NTRK3: variants seen among roughly 807,000 people sequenced by gnomAD.
The protein encoded by NTRK3 is NT-3 growth factor receptor.
Under a neutral mutation model 91.7 loss-of-function variants are expected in NTRK3, and 24 were observed. That is an observed-to-expected ratio of 0.26 (90% CI 0.19 to 0.37). The LOEUF is 0.37. Among genes scored for constraint, NTRK3 ranks in the 10% least tolerant of loss-of-function variants. The probability of loss-of-function intolerance (pLI) is 1.00; values close to 1 mark genes in which losing one functional copy is unlikely to be tolerated. For synonymous variants in NTRK3, 483 were observed against 404.0 expected (o/e 1.20, Z -2.34); for missense variants, 880 against 1,068.9 (o/e 0.82, Z 2.46).
At chr15:88,199,468 TCTC>T (rs1419648630) in intron 3 of NTRK3, among the ~76,000 whole-genome samples, 1 of 152,182 alleles carries the variant, frequency 6.6e-6, no homozygotes, top group Non-Finnish European at 1.5e-5. Flanking sequence ...CAGCAGGAGT[TCTC>T]CTTCCCAGAG....
rs2067447451 is a variant in NTRK3 at position 87,916,392 on chromosome 15, TAG to T, written c.2133+12797_2133+12798del. 7 of 622,124 alleles carry T rather than the reference TAG, an allele frequency of 1.1e-5. No homozygotes were observed. In the East Asian group the frequency reaches 1.9e-4, roughly 17 times the overall value. The allele number at this position is 622,124 out of a possible 1,614,324, so 38.5% of individuals were successfully genotyped here. A position where few individuals can be genotyped will look rare whatever the true frequency, so the allele number is the denominator to read the frequency against. ...CATCCGTAAGGGCCCTCCACAGGAGTAGAGAGACGTGAATGACTCAACACCAG... is the reference window on the plus strand; with the variant it reads ...CATCCGTAAGGGCCCTCCACAGGAGTAGAGACGTGAATGACTCAACACCAG... On this transcript the variant is annotated intron_variant, in intron 17 of 18. Coordinates refer to ENST00000394480, the Ensembl canonical transcript of NTRK3.
chr15:88,079,596 A>C (rs2047867077), intron 13 of NTRK3, among the ~76,000 whole-genome samples: 1 of 152,240 alleles, frequency 6.6e-6, no homozygotes, highest in Non-Finnish European at 1.5e-5. Context: ...ATTCTAGAAC[A>C]AAACCCTAAA....
chr15:87,968,732 A>C (rs1209443578), intron 14 of NTRK3, among the ~76,000 whole-genome samples: 1 of 152,220 alleles, frequency 6.6e-6, no homozygotes, highest in African/African-American at 2.4e-5. Context: ...ATGCAAAAAC[A>C]ATTAGGAGAG....
chr15:88,025,856 T>TA (rs1375767227), intron 14 of NTRK3, among the ~76,000 whole-genome samples: 15 of 152,128 alleles, frequency 9.9e-5, no homozygotes, highest in Admixed American at 6.6e-4. Flanking sequence ...TGCTCAGTGA[T>TA]AAAAATAAAT....
At chr15:88,071,147 C>T (rs758533582) in intron 13 of NTRK3, among the ~76,000 whole-genome samples, 18 of 152,202 alleles carry the variant, frequency 1.2e-4, no homozygotes, top group Non-Finnish European at 2.5e-4. Context: ...GAGGCAGCTC[C>T]GATTAAGTCC....
intron 5 of NTRK3, among the ~76,000 whole-genome samples, chr15:88,162,579 C>CA (rs1392036441): frequency 6.6e-6 from 1 of 152,190 alleles, no homozygotes; most frequent in African/African-American, 2.4e-5. Context: ...TCGCACCAGA[C>CA]AACGCACTCA....
intron 13 of NTRK3, among the ~76,000 whole-genome samples, chr15:88,077,882 C>T (rs1046904476): frequency 2.6e-5 from 4 of 152,198 alleles, no homozygotes; most frequent in Non-Finnish European, 4.4e-5. Context: ...CCAATAACCA[C>T]ACAACACAGC....
intron 14 of NTRK3, among the ~76,000 whole-genome samples, chr15:87,950,837 G>T (rs146159700): frequency 1.3e-5 from 2 of 152,054 alleles, no homozygotes; most frequent in African/African-American, 4.8e-5. Flanking sequence ...TTATTGTTAC[G>T]GTTATTATTA....
intron 3 of NTRK3, among the ~76,000 whole-genome samples, chr15:88,248,527 TG>T (rs1481922081): frequency 2.0e-5 from 3 of 152,154 alleles, no homozygotes; most frequent in African/African-American, 7.2e-5. Context: ...TGTGTGTGTG[TG>T]TGTGTGTGTG....
intron 14 of NTRK3, among the ~76,000 whole-genome samples, chr15:87,970,024 T>G (rs1029052703): frequency 4.6e-5 from 7 of 152,180 alleles, no homozygotes; most frequent in African/African-American, 1.4e-4. Flanking sequence ...GAGACAACAG[T>G]GACTCATGGG....
At chr15:88,232,999 C>G (rs148047114) in intron 3 of NTRK3, among the ~76,000 whole-genome samples, 3,242 of 152,252 alleles carry the variant, frequency 0.021, 130 homozygotes, top group African/African-American at 0.073. Context: ...ACCCTCCCCC[C>G]AGCCCAGAGC....
At chr15:88,198,962 C>A (rs1031924501) in intron 3 of NTRK3, among the ~76,000 whole-genome samples, 2 of 152,168 alleles carry the variant, frequency 1.3e-5, no homozygotes, top group African/African-American at 2.4e-5. Context: ...GTTTCTCAGT[C>A]ACAAATTTCT....
intron 13 of NTRK3, among the ~76,000 whole-genome samples, chr15:88,076,965 T>G (rs2047604338): frequency 2.0e-5 from 3 of 152,074 alleles, no homozygotes. Flanking sequence ...TGCAGTGCCA[T>G]GTGCCTGTAG....
At chr15:88,133,410 G>A (rs1597495364) in intron 10 of NTRK3, among the ~76,000 whole-genome samples, 2 of 152,130 alleles carry the variant, frequency 1.3e-5, no homozygotes, top group East Asian at 3.9e-4. Context: ...AGGAGCCAGA[G>A]TGTCTTCTCC....
At chr15:88,072,331 G>A (rs2047164030) in intron 13 of NTRK3, 1 of 191,624 alleles carries the variant, frequency 5.2e-6, no homozygotes, top group Admixed American at 6.1e-5. Context: ...ACTCCCCTCA[G>A]GGGCTCTCGG....
In NTRK3 at chr15:87,940,617, G is replaced by T. The variant is rs2069739968; in HGVS notation, c.1716+6C>A. On this transcript the variant is annotated splice_donor_region_variant and intron_variant, in intron 15 of 18. Transcript: ENST00000394480. ...CTCCTGGTGCCGGCATGCCTCTGGG[G>T]TTTACCTTCACAGCCACAAGCATCT... The T allele has an allele frequency of 2.5e-6, 4 of 1,613,562 alleles. No homozygotes were observed. Among genetic ancestry groups the T allele is most frequent in the South Asian group, 1.1e-5 (1 of 91,054 alleles).
At chr15:88,013,292 C>G (rs112508923) in intron 14 of NTRK3, among the ~76,000 whole-genome samples, 2 of 152,220 alleles carry the variant, frequency 1.3e-5, no homozygotes, top group Admixed American at 6.5e-5. Context: ...TAGGTCAGAG[C>G]GTAACCAGAT....
intron 13 of NTRK3, among the ~76,000 whole-genome samples, chr15:88,101,259 T>G (rs1368420262): frequency 6.6e-6 from 1 of 152,050 alleles, no homozygotes; most frequent in Non-Finnish European, 1.5e-5. Context: ...AAAAGACACA[T>G]GAAAAAATGC....
exon 10 of NTRK3, chr15:88,135,277 C>G (rs183806623): frequency 6.2e-7 from 1 of 1,614,160 alleles, no homozygotes; most frequent in East Asian, 2.2e-5. Flanking sequence ...CTTGGACTCC[C>G]GCAGAGGCTG....
Sources: allele counts gnomAD v4.1 joint callset (sites outside exome capture counted in the v4.1 genomes callset), GRCh38; gene constraint gnomAD v4.1.1; transcripts MANE v1.5; gene names NCBI Gene and HGNC (gene_info 2026-07-23, HGNC 2026-07-21).